The following CACNB2 variants were observed in gnomAD, a reference collection of about 807,000 sequenced individuals.
CACNB2 encodes voltage-dependent L-type calcium channel subunit beta-2.
CACNB2 carries 42 observed loss-of-function variants against 73.3 expected under a neutral mutation model. That is an observed-to-expected ratio of 0.57 (90% CI 0.45 to 0.74). The LOEUF (loss-of-function observed/expected upper bound fraction) is 0.74. Among genes scored for constraint, CACNB2 ranks in the 30% least tolerant of loss-of-function variants. The probability of loss-of-function intolerance (pLI) is 0.00; values close to 1 mark genes in which losing one functional copy is unlikely to be tolerated. For missense variants in CACNB2, 940 were observed against 853.0 expected, an observed-to-expected ratio of 1.10 and a Z score of -1.27; for synonymous variants, 348 against 310.3, an observed-to-expected ratio of 1.12 and a Z score of -1.28.
chr10:18,294,626 A>C lies in CACNB2; in HGVS notation c.214-107298A>C, dbSNP rs151265368. On this transcript the variant is annotated intron_variant, in intron 2 of 13. Coordinates refer to ENST00000324631, the MANE Select transcript of CACNB2 (RefSeq NM_201596.3). ...TGTTGCCAATTGGTTGGTTAAACCT[A>C]TTTGAGCAGAGACTTGAAGAAGGTA... 1.4e-3 allele frequency among the ~76,000 whole-genome samples: 219 copies of C among 152,348 alleles called. 3 individuals are homozygous for C. The highest frequency in any genetic ancestry group is 5.0e-3 in the African/African-American group (206 of 41,586).
At chr10:18,536,243 C>CTGTTTTTTTTTTTTT in intron 12 of CACNB2, 47 bp downstream of exon 12, 1 of 280,946 alleles carries the variant, frequency 3.6e-6, no homozygotes, top group African/African-American at 6.7e-5. Context: ...GAGATCAGAC[C>CTGTTTTTTTTTTTTT]TTTTTTTTTT....
intron 2 of CACNB2, chr10:18,182,122 C>G (rs1031028894): frequency 1.3e-5 from 2 of 152,320 alleles, no homozygotes; most frequent in South Asian, 4.2e-4. Context: ...TGAGCATACC[C>G]TAAGCCACCT....
intron 2 of CACNB2, among the ~76,000 whole-genome samples, chr10:18,362,297 T>C (rs1406561999): frequency 6.6e-6 from 1 of 152,242 alleles, no homozygotes; most frequent in African/African-American, 2.4e-5. Flanking sequence ...TAAAAAGTCA[T>C]GATGAATTTT....
chr10:18,363,865 T>G (rs2042239125), intron 2 of CACNB2, among the ~76,000 whole-genome samples: 1 of 152,084 alleles, frequency 6.6e-6, no homozygotes, highest in Non-Finnish European at 1.5e-5. Flanking sequence ...GTGCATTCTA[T>G]ATCATAAACT....
intron 2 of CACNB2, among the ~76,000 whole-genome samples, chr10:18,190,265 G>T (rs117094643): frequency 4.6e-5 from 7 of 152,136 alleles, no homozygotes; most frequent in Non-Finnish European, 1.0e-4. Flanking sequence ...ATACAATAAC[G>T]TAGGTTTTCT....
At chr10:18,288,407 A>G (rs1341938485) in intron 2 of CACNB2, among the ~76,000 whole-genome samples, 1 of 152,124 alleles carries the variant, frequency 6.6e-6, no homozygotes, top group African/African-American at 2.4e-5. Flanking sequence ...AGTTTTAAGA[A>G]CTCTGAAATG....
intron 3 of CACNB2, among the ~76,000 whole-genome samples, chr10:18,414,813 G>T (rs2044848970): frequency 6.6e-6 from 1 of 151,336 alleles, no homozygotes; most frequent in Non-Finnish European, 1.5e-5. Context: ...GAATGTCTTT[G>T]TTGTATCATT....
At chr10:18,257,379 A>G (rs1400644529) in intron 2 of CACNB2, 2 of 152,216 alleles carry the variant, frequency 1.3e-5, no homozygotes, top group East Asian at 1.9e-4. Context: ...TGTGATACCT[A>G]CTATGTTTCA....
At position 18,540,211 on chromosome 10, in the gene CACNB2, T is replaced by TCTTGC. The variant is rs776154553; in HGVS notation, c.*491_*495dup. On this transcript the variant is annotated 3_prime_UTR_variant, in exon 14 of 14. Transcript: ENST00000324631. ...TGACTAAATTTGGGGACAGATTCAG[T>TCTTGC]CTTGCCTTACACAAAGGGGATCATA... is the stretch of plus-strand genomic sequence containing the variant. The TCTTGC allele has an allele frequency of 1.1e-5, 2 of 184,516 alleles. No individual in the cohort carries two copies. The highest frequency in any genetic ancestry group is 2.3e-5 in the Non-Finnish European group (2 of 87,284). The allele number at this position is 184,516 out of a possible 1,614,324, so 11.4% of individuals were successfully genotyped here. A position where few individuals can be genotyped will look rare whatever the true frequency, so the allele number is the denominator to read the frequency against.
At chr10:18,149,460 A>G (rs1352101901) in intron 1 of CACNB2, among the ~76,000 whole-genome samples, 1 of 152,204 alleles carries the variant, frequency 6.6e-6, no homozygotes, top group Admixed American at 6.5e-5. Context: ...ACACATTTGT[A>G]TTATATAAAT....
chr10:18,277,949 A>T (rs1306740975), intron 2 of CACNB2, among the ~76,000 whole-genome samples: 1 of 152,154 alleles, frequency 6.6e-6, no homozygotes, highest in Non-Finnish European at 1.5e-5. Flanking sequence ...CTATAACACA[A>T]TGTGATTAAT....
At chr10:18,461,660 A>T (rs958809335) in intron 3 of CACNB2, among the ~76,000 whole-genome samples, 1 of 151,802 alleles carries the variant, frequency 6.6e-6, no homozygotes, top group African/African-American at 2.4e-5. Flanking sequence ...TGTGCAGTTC[A>T]CAACAGGGTT....
intron 3 of CACNB2, among the ~76,000 whole-genome samples, chr10:18,475,984 G>A (rs1261793224): frequency 1.3e-5 from 2 of 152,114 alleles, no homozygotes; most frequent in African/African-American, 4.8e-5. Context: ...TGTTAGAGAA[G>A]TTAAAAAAAG....
At chr10:18,252,317 G>C (rs374127047) in intron 2 of CACNB2, among the ~76,000 whole-genome samples, 1 of 152,190 alleles carries the variant, frequency 6.6e-6, no homozygotes, top group South Asian at 2.1e-4. Context: ...GGAGAAATCG[G>C]TGTCTGGTGT....
chr10:18,338,738 C>CTTCTTTCCTT (rs2041110646), intron 2 of CACNB2, among the ~76,000 whole-genome samples: 11 of 102,448 alleles, frequency 1.1e-4, no homozygotes, highest in Non-Finnish European at 1.7e-4. Flanking sequence ...TCCTTCTTTC[C>CTTCTTTCCTT]TTTTTTTTTT....
intron 2 of CACNB2, among the ~76,000 whole-genome samples, chr10:18,230,843 C>CTT (rs5783590): frequency 9.7e-4 from 143 of 146,724 alleles, no homozygotes; most frequent in African/African-American, 3.2e-3. Flanking sequence ...TTTTTTGTAG[C>CTT]TTTTTTTTTT....
At chr10:18,471,903 A>AGCAAC (rs1253159265) in intron 3 of CACNB2, among the ~76,000 whole-genome samples, 1 of 152,226 alleles carries the variant, frequency 6.6e-6, no homozygotes, top group Non-Finnish European at 1.5e-5. Context: ...ATACTACTCA[A>AGCAAC]GCAACATCCT....
intron 10 of CACNB2, 117 bp from the exon 11 acceptor site, chr10:18,533,959 G>C: frequency 1.1e-6 from 1 of 875,634 alleles, no homozygotes; most frequent in Admixed American, 2.1e-5. Flanking sequence ...CAATTCTATT[G>C]CCTGTAAGCA....
intron 2 of CACNB2, among the ~76,000 whole-genome samples, chr10:18,176,843 A>G (rs2033620180): frequency 6.6e-6 from 1 of 151,878 alleles, no homozygotes. Flanking sequence ...ATAGTAGTTC[A>G]CTGCAGTTCG....
Sources: allele counts gnomAD v4.1 joint callset (sites outside exome capture counted in the v4.1 genomes callset), GRCh38; gene constraint gnomAD v4.1.1; transcripts MANE v1.5; gene names NCBI Gene and HGNC (gene_info 2026-07-23, HGNC 2026-07-21).